Variants in GRM8 observed in about 807,000 individuals in gnomAD.
GRM8 encodes metabotropic glutamate receptor 8.
Under a neutral mutation model 87.2 loss-of-function variants are expected in GRM8, and 47 were observed. The observed-to-expected ratio is 0.54, with a 90% CI of 0.43 to 0.69. The LOEUF (loss-of-function observed/expected upper bound fraction) is 0.69. GRM8 is among the 30% of genes least tolerant of loss of function. The probability of loss-of-function intolerance (pLI) is 0.00; values close to 1 mark genes in which losing one functional copy is unlikely to be tolerated. For synonymous variants in GRM8, 396 were observed against 404.5 expected (o/e 0.98, Z 0.25); for missense variants, 1,019 against 1,139.2 (o/e 0.89, Z 1.52).
intron 7 of GRM8, among the ~76,000 whole-genome samples, chr7:126,734,299 T>C (rs1157954697): frequency 6.6e-6 from 1 of 151,918 alleles, no homozygotes; most frequent in Non-Finnish European, 1.5e-5. Flanking sequence ...TGTATTTATA[T>C]GTTCAAAAAC....
chr7:126,893,989 A>G (rs1801309066), intron 6 of GRM8, among the ~76,000 whole-genome samples: 1 of 152,100 alleles, frequency 6.6e-6, no homozygotes, highest in South Asian at 2.1e-4. Context: ...AGACTCTCTC[A>G]AATCCTCTGA....
chr7:127,004,275 A>C (rs1033892030), intron 3 of GRM8, among the ~76,000 whole-genome samples: 1 of 151,794 alleles, frequency 6.6e-6, no homozygotes. Flanking sequence ...GAAAGATTGC[A>C]GAAGTAATAA....
chr7:126,685,117 C>T lies in GRM8; in HGVS notation c.1358-75619G>A, dbSNP rs1221913269. Among the ~76,000 whole-genome samples, 2 of 152,190 alleles carry T rather than the reference C, an allele frequency of 1.3e-5. No homozygotes were observed. Among genetic ancestry groups the T allele is most frequent in the South Asian group, 2.1e-4 (1 of 4,836 alleles). On this transcript the variant is annotated intron_variant, in intron 7 of 10. Coordinates refer to ENST00000339582, the MANE Select transcript of GRM8 (RefSeq NM_000845.3). The surrounding 1 kb of genome is among the most constrained non-coding windows in gnomAD (Gnocchi z 4.2). ...GCAGCCGGGCAGTACCCACTCCAGG[C>T]CCCGGCCCCGCTTGCCACTCTTGAC...
intron 8 of GRM8, among the ~76,000 whole-genome samples, chr7:126,539,072 A>G (rs1816216737): frequency 6.6e-6 from 1 of 151,936 alleles, no homozygotes; most frequent in Admixed American, 6.6e-5. Context: ...GATGATTCCC[A>G]AGCTGAAATC....
chr7:127,073,373 C>T (rs1260047353), intron 3 of GRM8, among the ~76,000 whole-genome samples: 3 of 152,118 alleles, frequency 2.0e-5, no homozygotes, highest in African/African-American at 7.2e-5. Flanking sequence ...CAGTGAAACC[C>T]TGAAGATGAT....
chr7:127,064,686 C>T (rs1820936012), intron 3 of GRM8, among the ~76,000 whole-genome samples: 1 of 151,912 alleles, frequency 6.6e-6, no homozygotes, highest in African/African-American at 2.4e-5. Flanking sequence ...AAGAGAAAAC[C>T]CCATTGAAAA....
Position 126,902,695 on chromosome 7 carries a change from A to T in GRM8, c.1019-16T>A. On this transcript the variant is annotated splice_polypyrimidine_tract_variant and intron_variant, in intron 5 of 10. Coordinates refer to ENST00000339582, the MANE Select transcript of GRM8 (RefSeq NM_000845.3). ...CGATCAAATCCTATTTCAAAGGAGA[A>T]AGGTATGATTTTAATATTCTTTCAA... The T allele has an allele frequency of 6.5e-7, 1 of 1,546,890 alleles. No individual in the cohort carries two copies. Among genetic ancestry groups the T allele is most frequent in the Non-Finnish European group, 8.8e-7 (1 of 1,137,602 alleles).
At chr7:126,688,386 G>GC (rs1440785292) in intron 7 of GRM8, among the ~76,000 whole-genome samples, 1 of 152,178 alleles carries the variant, frequency 6.6e-6, no homozygotes, top group Non-Finnish European at 1.5e-5. Flanking sequence ...GAGTGAGAGA[G>GC]CAGTACTCTT....
chr7:127,201,138 G>A (rs1795563785), intron 2 of GRM8, among the ~76,000 whole-genome samples: 1 of 152,112 alleles, frequency 6.6e-6, no homozygotes. Context: ...AAGTAGGCAG[G>A]GTGACTGGTC....
At chr7:126,628,485 T>G (rs979221094) in intron 7 of GRM8, among the ~76,000 whole-genome samples, 3 of 152,214 alleles carry the variant, frequency 2.0e-5, no homozygotes, top group African/African-American at 7.2e-5. Context: ...TATGGTAAAT[T>G]CATACAATGG....
At chr7:127,249,868 GCAAGC>G (rs1252728921) in intron 1 of GRM8, among the ~76,000 whole-genome samples, 4 of 152,092 alleles carry the variant, frequency 2.6e-5, no homozygotes, top group African/African-American at 9.7e-5. Flanking sequence ...CTGAACCTCC[GCAAGC>G]CAGCCAACTT....
At chr7:126,762,178 T>C (rs1817643648) in intron 7 of GRM8, among the ~76,000 whole-genome samples, 1 of 151,906 alleles carries the variant, frequency 6.6e-6, no homozygotes, top group Non-Finnish European at 1.5e-5. Context: ...AAATAAATGA[T>C]TTATGAAAGA....
intron 7 of GRM8, among the ~76,000 whole-genome samples, chr7:126,659,286 G>A (rs1260371662): frequency 6.6e-6 from 1 of 152,140 alleles, no homozygotes; most frequent in Admixed American, 6.5e-5. Context: ...CAAGTGGCAG[G>A]GGGAACCTAC....
intron 7 of GRM8, among the ~76,000 whole-genome samples, chr7:126,624,595 C>A (rs1800487655): frequency 6.6e-6 from 1 of 152,190 alleles, no homozygotes; most frequent in South Asian, 2.1e-4. Flanking sequence ...GAAAATATTT[C>A]TATCACATTC....
At chr7:126,473,100 G>A (rs1228106690) in intron 9 of GRM8, among the ~76,000 whole-genome samples, 2 of 152,176 alleles carry the variant, frequency 1.3e-5, no homozygotes, top group Non-Finnish European at 2.9e-5. Context: ...CCTCCACACA[G>A]AGTCCCCACT....
At chr7:126,534,324 A>G (rs1004889575) in intron 8 of GRM8, among the ~76,000 whole-genome samples, 1 of 152,250 alleles carries the variant, frequency 6.6e-6, no homozygotes, top group Non-Finnish European at 1.5e-5. Flanking sequence ...TCTTTCTACC[A>G]TACTTAGGGA....
chr7:126,753,557 T>C (rs1338301502), intron 7 of GRM8, among the ~76,000 whole-genome samples: 1 of 151,878 alleles, frequency 6.6e-6, no homozygotes, highest in African/African-American at 2.4e-5. Flanking sequence ...TTCAAGATGA[T>C]TAACAGTTAA....
At chr7:127,222,753 G>A (rs1419342485) in intron 2 of GRM8, among the ~76,000 whole-genome samples, 2 of 152,110 alleles carry the variant, frequency 1.3e-5, no homozygotes, top group African/African-American at 2.4e-5. Context: ...TGCAACAGGT[G>A]GGGACAATAC....
chr7:126,793,726 T>C (rs1585961113), intron 6 of GRM8, among the ~76,000 whole-genome samples: 1 of 152,294 alleles, frequency 6.6e-6, no homozygotes, highest in East Asian at 1.9e-4. Flanking sequence ...TAGTAAATGT[T>C]TGTAATAACA....
Sources: gnomAD v4.1 joint callset for allele counts (sites outside exome capture counted in the v4.1 genomes callset) on GRCh38, gnomAD v4.1.1 for gene constraint, Gnocchi (gnomAD v3.1) non-coding constraint, MANE v1.5 for transcripts, NCBI Gene and HGNC (gene_info 2026-07-23, HGNC 2026-07-21) for gene names.